Variants in RSRC1 observed in about 807,000 individuals in gnomAD.
RSRC1 encodes the protein arginine and serine rich coiled-coil 1.
Under a neutral mutation model 49.1 loss-of-function variants are expected in RSRC1, and 39 were observed. That is an observed-to-expected ratio of 0.79 (90% CI 0.61 to 1.04). RSRC1 has a LOEUF of 1.04. Among genes scored for constraint, RSRC1 ranks in the 50% least tolerant of loss-of-function variants. RSRC1 has a pLI of 0.00. For synonymous variants in RSRC1, 143 were observed against 130.8 expected (o/e 1.09, Z -0.63); for missense variants, 388 against 402.4 (o/e 0.96, Z 0.31).
chr3:158,251,943 G>A (rs114595682), intron 4 of RSRC1, among the ~76,000 whole-genome samples: 3,675 of 152,266 alleles, frequency 0.024, 157 homozygotes, highest in African/African-American at 0.084. Context: ...TATGATGCTA[G>A]CTGTGGGTCT....
chr3:158,350,146 T>C (rs1220260528), intron 5 of RSRC1, among the ~76,000 whole-genome samples: 1 of 149,392 alleles, frequency 6.7e-6, no homozygotes, highest in Non-Finnish European at 1.5e-5. Context: ...TCTGTTTTTT[T>C]ACTTAAACAA....
chr3:158,322,436 T>C (rs1728816394), intron 5 of RSRC1, among the ~76,000 whole-genome samples: 1 of 152,224 alleles, frequency 6.6e-6, no homozygotes. Context: ...CCAGTTGCCA[T>C]CTGGTCTGCA....
chr3:158,252,116 A>G (rs1292644655), intron 4 of RSRC1, among the ~76,000 whole-genome samples: 1 of 150,846 alleles, frequency 6.6e-6, no homozygotes, highest in Non-Finnish European at 1.5e-5. Context: ...ATGTTGAACC[A>G]TTCTTGCCTC....
At chr3:158,512,705 C>A (rs1344719667) in intron 7 of RSRC1, among the ~76,000 whole-genome samples, 1 of 150,402 alleles carries the variant, frequency 6.6e-6, no homozygotes, top group Non-Finnish European at 1.5e-5. Context: ...TTACCTTGGG[C>A]AGTATGGCCA....
At chr3:158,197,359 A>G (rs1205694174) in intron 3 of RSRC1, among the ~76,000 whole-genome samples, 2 of 151,440 alleles carry the variant, frequency 1.3e-5, no homozygotes, top group African/African-American at 4.9e-5. Context: ...CCCCTTTTTC[A>G]TTTTTTATTG....
chr3:158,174,046 T>G (rs1719050708), intron 3 of RSRC1, among the ~76,000 whole-genome samples: 1 of 151,890 alleles, frequency 6.6e-6, no homozygotes, highest in Admixed American at 6.6e-5. Context: ...ACTTGGTAAA[T>G]TTACTAAAAA....
chr3:158,160,060 G>A (rs1718125933), intron 3 of RSRC1, among the ~76,000 whole-genome samples: 1 of 151,964 alleles, frequency 6.6e-6, no homozygotes, highest in Non-Finnish European at 1.5e-5. Flanking sequence ...CATTTGATGG[G>A]GTCTCCATTT....
chr3:158,404,000 G>A (rs1297067751), intron 6 of RSRC1, among the ~76,000 whole-genome samples: 1 of 151,796 alleles, frequency 6.6e-6, no homozygotes, highest in South Asian at 2.1e-4. Context: ...TCTTTAAAAT[G>A]TGTAAACGTA....
chr3:158,238,455 G>A (rs1042827756), intron 4 of RSRC1, among the ~76,000 whole-genome samples: 1 of 152,154 alleles, frequency 6.6e-6, no homozygotes, highest in Non-Finnish European at 1.5e-5. Flanking sequence ...CATGCTACCT[G>A]ACTTCAAACT....
chr3:158,279,883 C>T (rs998994363), intron 4 of RSRC1, among the ~76,000 whole-genome samples: 3 of 152,192 alleles, frequency 2.0e-5, no homozygotes, highest in Admixed American at 2.0e-4. Context: ...TATTGGGTAG[C>T]TTATGTAATC....
chr3:158,349,035 A>G (rs2108228496), intron 5 of RSRC1, among the ~76,000 whole-genome samples: 1 of 152,144 alleles, frequency 6.6e-6, no homozygotes, highest in East Asian at 1.9e-4. Flanking sequence ...TGATATTGTA[A>G]ATAACACTGC....
intron 4 of RSRC1, among the ~76,000 whole-genome samples, chr3:158,291,923 T>C (rs995695548): frequency 9.2e-5 from 14 of 152,366 alleles, no homozygotes; most frequent in South Asian, 2.1e-4. Flanking sequence ...GCAATAGTTT[T>C]TAGACGTAGA....
At chr3:158,522,893 A>G (rs1711782301) in intron 7 of RSRC1, among the ~76,000 whole-genome samples, 2 of 152,066 alleles carry the variant, frequency 1.3e-5, no homozygotes, top group Non-Finnish European at 2.9e-5. Flanking sequence ...ACCTGAATAC[A>G]TTTTCCAGCC....
At chr3:158,285,442 T>C (rs1402727778) in intron 4 of RSRC1, among the ~76,000 whole-genome samples, 2 of 152,220 alleles carry the variant, frequency 1.3e-5, no homozygotes, top group African/African-American at 4.8e-5. Context: ...AAGTCATTGG[T>C]AGCTTGATAG....
intron 5 of RSRC1, among the ~76,000 whole-genome samples, chr3:158,299,395 G>A (rs967744035): frequency 1.3e-5 from 2 of 151,806 alleles, no homozygotes; most frequent in African/African-American, 4.8e-5. Context: ...GTGCAGTGGT[G>A]CGATCTCAGC....
chr3:158,435,215 T>A (rs1735983230), intron 6 of RSRC1, among the ~76,000 whole-genome samples: 1 of 151,818 alleles, frequency 6.6e-6, no homozygotes, highest in Admixed American at 6.6e-5. Flanking sequence ...GTGAAATCTC[T>A]TGCATTTTTT....
chr3:158,285,255 C>A (rs1480131234), intron 4 of RSRC1, among the ~76,000 whole-genome samples: 6 of 152,120 alleles, frequency 3.9e-5, no homozygotes, highest in Non-Finnish European at 8.8e-5. Flanking sequence ...TGATCTATAT[C>A]TCTGTTTTGG....
intron 4 of RSRC1, among the ~76,000 whole-genome samples, chr3:158,215,298 GTTT>G (rs34551128): frequency 9.9e-5 from 13 of 131,214 alleles, no homozygotes; most frequent in Admixed American, 1.5e-4. Flanking sequence ...CATATAGATA[GTTT>G]TTTTTTTTTT....
chr3:158,357,561 G>A (rs147877117), intron 6 of RSRC1, among the ~76,000 whole-genome samples: 54 of 152,288 alleles, frequency 3.5e-4, no homozygotes, highest in Non-Finnish European at 1.5e-5. Context: ...AGATGGATAG[G>A]TAGGGGAAGA....
Sources: allele counts gnomAD v4.1 joint callset (sites outside exome capture counted in the v4.1 genomes callset), GRCh38; gene constraint gnomAD v4.1.1; transcripts MANE v1.5; gene names NCBI Gene and HGNC (gene_info 2026-07-23, HGNC 2026-07-21).